The following TYW1 variants were observed in gnomAD, a reference collection of about 807,000 sequenced individuals.
TYW1 encodes tRNA-yW synthesizing protein 1 homolog, also known as S-adenosyl-L-methionine-dependent tRNA 4-demethylwyosine synthase TYW1.
Under a neutral mutation model 96.2 loss-of-function variants are expected in TYW1, and 46 were observed. The observed-to-expected ratio is 0.48, with a 90% CI of 0.38 to 0.61. TYW1 has a LOEUF of 0.61. TYW1 is among the 20% of genes least tolerant of loss of function. TYW1 has a pLI of 0.00. For missense variants in TYW1, 684 were observed against 909.6 expected (o/e 0.75, Z 3.19); for synonymous variants, 274 against 323.0 (o/e 0.85, Z 1.63).
chr7:67,068,140 G>C (rs1795925324), intron 10 of TYW1, among the ~76,000 whole-genome samples: 1 of 151,546 alleles, frequency 6.6e-6, no homozygotes. Flanking sequence ...TCCTGTCTCA[G>C]CCTCCCAAGT....
chr7:67,094,433 G>A (rs1429259258), intron 11 of TYW1, among the ~76,000 whole-genome samples: 1 of 152,050 alleles, frequency 6.6e-6, no homozygotes, highest in Non-Finnish European at 1.5e-5. Flanking sequence ...CTCTATAGAG[G>A]TTGAACTAAT....
At chr7:67,175,524 A>G (rs1584656106) in intron 13 of TYW1, among the ~76,000 whole-genome samples, 3 of 152,316 alleles carry the variant, frequency 2.0e-5, no homozygotes, top group African/African-American at 7.2e-5. Context: ...AGCGATTTTT[A>G]CTCATAAGCA....
chr7:67,214,163 A>G (rs1245081335), intron 15 of TYW1, among the ~76,000 whole-genome samples: 1 of 152,192 alleles, frequency 6.6e-6, no homozygotes, highest in Non-Finnish European at 1.5e-5. Flanking sequence ...CCATTTACTG[A>G]AATATGCCTG....
chr7:67,181,351 A>ATAGG (rs71528208), intron 13 of TYW1, among the ~76,000 whole-genome samples: 1 of 151,734 alleles, frequency 6.6e-6, no homozygotes, highest in Non-Finnish European at 1.5e-5. Flanking sequence ...TGGAAGAATT[A>ATAGG]TATGTAAAGG....
intron 11 of TYW1, among the ~76,000 whole-genome samples, chr7:67,095,888 G>A (rs1258658994): frequency 6.6e-6 from 1 of 152,108 alleles, no homozygotes; most frequent in East Asian, 1.9e-4. Context: ...TTTCGCCCAC[G>A]TTCTTTGTTA....
intron 14 of TYW1, among the ~76,000 whole-genome samples, chr7:67,188,318 T>G (rs929364225): frequency 6.6e-6 from 1 of 151,952 alleles, no homozygotes; most frequent in African/African-American, 2.4e-5. Context: ...AGACTCTGTC[T>G]CAAAAAAAAA....
chr7:67,216,705 G>T (rs76995182), intron 15 of TYW1, among the ~76,000 whole-genome samples: 1 of 115,930 alleles, frequency 8.6e-6, no homozygotes, highest in African/African-American at 3.7e-5. Context: ...GCTAACATGG[G>T]CATTTGGGGC....
intron 7 of TYW1, among the ~76,000 whole-genome samples, chr7:67,034,959 C>T (rs1378948157): frequency 6.6e-6 from 1 of 152,162 alleles, no homozygotes; most frequent in Non-Finnish European, 1.5e-5. Context: ...TACCTGTTCT[C>T]TACATCTGAG....
intron 13 of TYW1, among the ~76,000 whole-genome samples, chr7:67,163,435 G>A (rs1194233700): frequency 1.3e-5 from 2 of 151,994 alleles, no homozygotes; most frequent in Admixed American, 6.6e-5. Context: ...TTCACCCTCC[G>A]CTTACTCCTT....
At chr7:67,078,918 T>A (rs1352291035) in intron 10 of TYW1, among the ~76,000 whole-genome samples, 9 of 152,030 alleles carry the variant, frequency 5.9e-5, no homozygotes, top group Non-Finnish European at 1.2e-4. Flanking sequence ...ATGGTCTCGA[T>A]CTCCTGAATT....
intron 12 of TYW1, among the ~76,000 whole-genome samples, chr7:67,103,922 G>T (rs962460368): frequency 1.3e-5 from 2 of 152,122 alleles, no homozygotes; most frequent in African/African-American, 4.8e-5. Context: ...CAGTCAATAG[G>T]TTTATTTTAA....
chr7:67,064,908 T>G (rs1443131529), intron 9 of TYW1, among the ~76,000 whole-genome samples: 1 of 152,230 alleles, frequency 6.6e-6, no homozygotes, highest in Non-Finnish European at 1.5e-5. Context: ...AAAAAGAGTG[T>G]CTTAAACTTC....
chr7:67,105,886 CTTTTTTT>C (rs11330425), intron 12 of TYW1, among the ~76,000 whole-genome samples: 5 of 61,396 alleles, frequency 8.1e-5, no homozygotes, highest in Non-Finnish European at 1.4e-4. Context: ...AGAGAATATT[CTTTTTTT>C]TTTTTTTTTT....
chr7:67,037,615 A>T (rs964988752), intron 7 of TYW1, among the ~76,000 whole-genome samples: 2 of 151,696 alleles, frequency 1.3e-5, no homozygotes, highest in African/African-American at 2.4e-5. Context: ...TTTATTGTAC[A>T]CTGTGTTTCA....
At chr7:67,152,178 C>T (rs1798823584) in intron 13 of TYW1, among the ~76,000 whole-genome samples, 1 of 152,050 alleles carries the variant, frequency 6.6e-6, no homozygotes, top group Non-Finnish European at 1.5e-5. Context: ...GGGTAGCTGC[C>T]ACAGAGACCA....
chr7:67,172,830 A>G (rs1799557218), intron 13 of TYW1, among the ~76,000 whole-genome samples: 1 of 152,066 alleles, frequency 6.6e-6, no homozygotes, highest in African/African-American at 2.4e-5. Context: ...CTTTTTAAAA[A>G]ACAAACAAGC....
intron 13 of TYW1, among the ~76,000 whole-genome samples, chr7:67,151,383 A>G (rs1461874870): frequency 1.3e-5 from 2 of 151,878 alleles, no homozygotes; most frequent in Non-Finnish European, 2.9e-5. Context: ...TGCATTTTTA[A>G]GGCCTGGGTT....
chr7:67,119,602 T>C (rs17144707), intron 13 of TYW1, among the ~76,000 whole-genome samples: 42,027 of 152,036 alleles, frequency 0.28, 6,654 homozygotes, highest in African/African-American at 0.44. Flanking sequence ...TTGTGATTAC[T>C]ATACTGCAAA....
At chr7:67,009,821 T>A (rs1793730396) in intron 4 of TYW1, 137 bp downstream of exon 4, 1 of 798,554 alleles carries the variant, frequency 1.3e-6, no homozygotes, top group Admixed American at 3.2e-5. Context: ...TTAGTTGAAT[T>A]CCAGTGTGAA....
Sources: allele counts gnomAD v4.1 joint callset (sites outside exome capture counted in the v4.1 genomes callset), GRCh38; gene constraint gnomAD v4.1.1; transcripts MANE v1.5; gene names NCBI Gene and HGNC (gene_info 2026-07-23, HGNC 2026-07-21).